The following PUS3 variants were observed in gnomAD, a reference collection of about 807,000 sequenced individuals.
PUS3 encodes the protein tRNA pseudouridine(38/39) synthase.
In PUS3, 36 loss-of-function variants were observed where a neutral mutation model predicts 43.3. The ratio of observed to expected loss-of-function variants is 0.83; its 90% confidence interval spans 0.64 to 1.10. The LOEUF (loss-of-function observed/expected upper bound fraction) is 1.10, where lower values mean the gene tolerates loss of function less well. Ranked by LOEUF, PUS3 falls within the 50% of genes least tolerant of loss-of-function variation. The pLI is 0.00. For synonymous variants in PUS3, 183 were observed against 199.2 expected, an observed-to-expected ratio of 0.92 and a Z score of 0.69; for missense variants, 544 against 589.9, an observed-to-expected ratio of 0.92 and a Z score of 0.81.
chr11:125,896,306 AACGAACCATAC>A lies in PUS3; in HGVS notation c.-33_-23del, dbSNP rs1469266523. On this transcript the variant is annotated 5_prime_UTR_variant, in exon 2 of 4. It removes an upstream start codon present in the reference 5' UTR. Coordinates refer to ENST00000227474, the MANE Select transcript of PUS3 (RefSeq NM_031307.4). ...CCATGATATGACAACCCCAGGAATA[AACGAACCATAC>A]AGGTCTGCCCTGTCTGAAAAGAGAG... The A allele has an allele frequency of 3.8e-6, 6 of 1,585,272 alleles. No homozygotes were observed. In the South Asian group the frequency reaches 5.6e-5, roughly 15 times the overall value.
chr11:125,893,689 T>G lies in PUS3; in HGVS notation c.*96A>C. 3 of 896,838 alleles carry G rather than the reference T, an allele frequency of 3.3e-6. No individual in the cohort carries two copies. The highest frequency in any genetic ancestry group is 4.8e-6 in the Non-Finnish European group (3 of 621,922). The allele number at this position is 896,838 out of a possible 1,614,324, so 55.6% of individuals were successfully genotyped here. On this transcript the variant is annotated 3_prime_UTR_variant, in exon 4 of 4. Coordinates refer to ENST00000227474, the MANE Select transcript of PUS3 (RefSeq NM_031307.4). ...TTTTTTTTCTTTTAAGAGCTGATCA[T>G]CTGAATTCCTAGTACTTGCAAGTAA...
Position 125,895,983 on chromosome 11 carries a change from C to G in PUS3, c.302G>C (p.Arg101Pro). ...EKLFEALTKT[R>P]LVESRQTSNY... ...GGATGTCTGTCTGCTTTCTACTAGT[C>G]GAGTCTTGGTTAGAGCTTCAAACAG... Residue 101 changes from arginine (R) to proline (P), a missense_variant, in exon 2 of 4, where the codon CGA becomes CCA. Coordinates refer to ENST00000227474, the MANE Select transcript of PUS3 (RefSeq NM_031307.4). 1.2e-6 allele frequency: 2 copies of G among 1,614,138 alleles called. No individual in the cohort carries two copies. Among genetic ancestry groups the G allele is most frequent in the Non-Finnish European group, 8.5e-7 (1 of 1,180,030 alleles).
intron 1 of PUS3, chr11:125,900,569 A>C: frequency 2.6e-6 from 1 of 388,518 alleles, no homozygotes; most frequent in Non-Finnish European, 5.0e-6. Flanking sequence ...ACCTATCAAT[A>C]TGAGTTGCTG....
At chr11:125,894,959 A>G (rs1944529321) in intron 3 of PUS3, among the ~76,000 whole-genome samples, 1 of 152,342 alleles carries the variant, frequency 6.6e-6, no homozygotes, top group East Asian at 1.9e-4. Context: ...ACATGTTCAT[A>G]ACATTCTACA....
At chr11:125,901,305 G>A (rs1944767758) in intron 1 of PUS3, among the ~76,000 whole-genome samples, 1 of 152,108 alleles carries the variant, frequency 6.6e-6, no homozygotes, top group Non-Finnish European at 1.5e-5. Flanking sequence ...TCATTTGGAA[G>A]GGTATTCCTA....
intron 1 of PUS3, chr11:125,900,252 C>T: frequency 6.2e-7 from 1 of 1,614,158 alleles, no homozygotes; most frequent in Non-Finnish European, 8.5e-7. Flanking sequence ...CTTCCCTTCC[C>T]TCTTTCTCCT....
At chr11:125,902,090 T>C (rs1057371012) in intron 1 of PUS3, among the ~76,000 whole-genome samples, 3 of 152,040 alleles carry the variant, frequency 2.0e-5, no homozygotes, top group South Asian at 2.1e-4. Flanking sequence ...GTGAGTCTAG[T>C]TGGTCATAAG....
Position 125,895,732 on chromosome 11 carries a change from T to A in PUS3, c.436A>T (p.Asn146Tyr). ...GCAGCATTAGCCTCCTCTTTTACAT[T>A]AAAGTCCTCGGAATCCCTGCCCCTT... ...FPRGRDSEDFNVKEEANAAAE... is the reference protein window; with the variant it reads ...FPRGRDSEDFYVKEEANAAAE... The change falls in exon 3 of 4, where the codon AAT (asparagine) becomes TAT (tyrosine). Residue 146 changes from asparagine to tyrosine, a missense_variant. Transcript: ENST00000227474. The A allele has an allele frequency of 6.2e-7, 1 of 1,612,412 alleles. No individual in the cohort carries two copies. The highest frequency in any genetic ancestry group is 8.5e-7 in the Non-Finnish European group (1 of 1,179,718).
intron 1 of PUS3, among the ~76,000 whole-genome samples, chr11:125,901,524 T>C (rs484049): frequency 0.82 from 124,407 of 152,256 alleles, 51,447 homozygotes; most frequent in Admixed American, 0.89. Context: ...AGAATGATAG[T>C]ACAGTTTGCT....
intron 1 of PUS3, chr11:125,900,260 C>G: frequency 6.2e-7 from 1 of 1,614,096 alleles, no homozygotes. Context: ...CCCTCTTTCT[C>G]CTTCTTAAAT....
intron 3 of PUS3, among the ~76,000 whole-genome samples, chr11:125,894,660 A>G (rs1001012886): frequency 6.6e-6 from 1 of 152,232 alleles, no homozygotes; most frequent in African/African-American, 2.4e-5. Flanking sequence ...CAAATGAAAA[A>G]TCTTGACTAT....
In PUS3 at chr11:125,893,992, G is replaced by T; in HGVS notation, c.1239C>A (p.Pro413=). 6.2e-7 allele frequency: 1 copy of T among 1,614,084 alleles called. No homozygotes were observed. Among genetic ancestry groups the T allele is most frequent in the Non-Finnish European group, 8.5e-7 (1 of 1,180,006 alleles). Residue 413 remains proline, a synonymous_variant, in exon 4 of 4, where the codon CCC becomes CCA. Transcript: ENST00000227474. Reference sequence around the variant, plus strand: ...CTTGGCATTTAGGACGGTCCATGAGGGGCTTATATGTGCGCATCTTCACTC... The same window carrying T: ...CTTGGCATTTAGGACGGTCCATGAGTGGCTTATATGTGCGCATCTTCACTC... ...VEGVKMRTYK[P]LMDRPKCQGL... is the part of the protein sequence containing the mutation.
intron 1 of PUS3, among the ~76,000 whole-genome samples, chr11:125,902,427 A>G (rs942476316): frequency 4.6e-4 from 70 of 152,248 alleles, no homozygotes; most frequent in African/African-American, 1.6e-3. Flanking sequence ...CAACCTGGGC[A>G]ACACAGCGAG....
At chr11:125,900,171 C>G in intron 1 of PUS3, 1 of 1,614,170 alleles carries the variant, frequency 6.2e-7, no homozygotes, top group Non-Finnish European at 8.5e-7. Flanking sequence ...CTAGTACCAA[C>G]AGAGAAGAAA....
At position 125,893,622 on chromosome 11, in the gene PUS3, T is replaced by A. The variant is rs966416955; in HGVS notation, c.*163A>T. On this transcript the variant is annotated 3_prime_UTR_variant, in exon 4 of 4. Transcript: ENST00000227474. ...TAAGAGAATATTTGAAATTTCTTAT[T>A]AAAGCAATAACTTCCTTAATAGGGC... 25 of 564,466 alleles carry A rather than the reference T, an allele frequency of 4.4e-5. No individual in the cohort carries two copies. The highest frequency in any genetic ancestry group is 7.1e-5 in the Non-Finnish European group (24 of 338,180). The allele number at this position is 564,466 out of a possible 1,614,324, so 35.0% of individuals were successfully genotyped here. A position where few individuals can be genotyped will look rare whatever the true frequency, so the allele number is the denominator to read the frequency against.
chr11:125,899,778 A>G lies in PUS3; in HGVS notation c.-47+3392T>C, dbSNP rs1166119049. 4 of 1,614,116 alleles carry G rather than the reference A, an allele frequency of 2.5e-6. No individual in the cohort carries two copies. The African/African-American group carries it at 5.3e-5, about 22-fold the overall frequency. ...TGGGACTTAAGACAAAGGCTGATGAATGTACAGTTCCAGGAAGACAAGGAA... is the reference window on the plus strand; with the variant it reads ...TGGGACTTAAGACAAAGGCTGATGAGTGTACAGTTCCAGGAAGACAAGGAA... On this transcript the variant is annotated intron_variant, in intron 1 of 3. Transcript: ENST00000227474.
At chr11:125,901,100 C>G (rs1024763021) in intron 1 of PUS3, among the ~76,000 whole-genome samples, 2 of 151,424 alleles carry the variant, frequency 1.3e-5, no homozygotes, top group African/African-American at 4.8e-5. Context: ...AGCCTCATTA[C>G]TAAAGGTGTA....
chr11:125,899,843 G>A, intron 1 of PUS3: 1 of 1,614,144 alleles, frequency 6.2e-7, no homozygotes, highest in East Asian at 2.2e-5. Context: ...CCTACCACAT[G>A]AATACCAAGG....
At position 125,894,210 on chromosome 11, in the gene PUS3, G is replaced by C. The variant is rs1313477631; in HGVS notation, c.1021C>G (p.Gln341Glu). Residue 341 changes from glutamine (Q) to glutamate (E), a missense_variant, in exon 4 of 4, where the codon CAG becomes GAG. Coordinates refer to ENST00000227474, the MANE Select transcript of PUS3 (RefSeq NM_031307.4). Reference protein sequence around the residue: ...NVKWIYDQEAQEFNITHLQQL... With the variant: ...NVKWIYDQEAEEFNITHLQQL... ...TGTAGGTGGGTAATATTGAACTCCT[G>C]AGCCTCCTGGTCATAGATCCACTTG... The C allele has an allele frequency of 9.9e-6, 16 of 1,613,672 alleles. No individual in the cohort carries two copies. The highest frequency in any genetic ancestry group is 1.4e-5 in the Non-Finnish European group (16 of 1,179,792).
Sources: gnomAD v4.1 joint callset for allele counts (sites outside exome capture counted in the v4.1 genomes callset) on GRCh38, gnomAD v4.1.1 for gene constraint, MANE v1.5 for transcripts, NCBI Gene and HGNC (gene_info 2026-07-23, HGNC 2026-07-21) for gene names.